Variants in PPM1H observed in about 807,000 individuals in gnomAD.
The protein encoded by PPM1H is protein phosphatase, Mg2+/Mn2+ dependent 1H.
A neutral mutation model predicts 54.9 loss-of-function variants in PPM1H; 27 were observed. The ratio of observed to expected loss-of-function variants is 0.49; its 90% CI spans 0.36 to 0.68. The LOEUF is 0.68. PPM1H is among the 30% of genes least tolerant of loss of function. The pLI is 0.00. For missense variants in PPM1H, 596 were observed against 667.8 expected (o/e 0.89, Z 1.19); for synonymous variants, 305 against 270.8 (o/e 1.13, Z -1.24).
chr12:62,686,533 C>T (rs1049509366), intron 8 of PPM1H, among the ~76,000 whole-genome samples: 3 of 152,052 alleles, frequency 2.0e-5, no homozygotes, highest in Non-Finnish European at 2.9e-5. Flanking sequence ...GTTGGAGGTC[C>T]GACATTTATT....
chr12:62,652,559 G>A (rs2075822200), intron 9 of PPM1H, among the ~76,000 whole-genome samples: 1 of 152,084 alleles, frequency 6.6e-6, no homozygotes, highest in South Asian at 2.1e-4. Flanking sequence ...AATTTATTAT[G>A]TGCTTCTTTC....
chr12:62,874,570 C>A lies in PPM1H; in HGVS notation c.246-42291G>T, dbSNP rs566876951. Among the ~76,000 whole-genome samples, 134 of 152,140 alleles carry A rather than the reference C, an allele frequency of 8.8e-4. 1 individual carries two copies. The highest frequency in any genetic ancestry group is 3.2e-3 in the African/African-American group (133 of 41,484). On this transcript the variant is annotated intron_variant, in intron 1 of 9. Transcript: ENST00000228705. ...TAGAGAAGGCACTCCCCAAAGACCACTGCAACAACCTTCCTAAGCTATTAC... is the reference window on the plus strand; with the variant it reads ...TAGAGAAGGCACTCCCCAAAGACCAATGCAACAACCTTCCTAAGCTATTAC...
At chr12:62,812,901 G>A (rs2076843457) in intron 2 of PPM1H, among the ~76,000 whole-genome samples, 1 of 151,328 alleles carries the variant, frequency 6.6e-6, no homozygotes, top group African/African-American at 2.4e-5. Context: ...GAAACAAGCA[G>A]GTGGTGTCCA....
intron 8 of PPM1H, among the ~76,000 whole-genome samples, chr12:62,669,287 C>T (rs1166168971): frequency 6.6e-6 from 1 of 152,234 alleles, no homozygotes; most frequent in African/African-American, 2.4e-5. Flanking sequence ...CAGAAACAAG[C>T]AACCCTCCTA....
At chr12:62,749,486 G>A (rs536883014) in intron 4 of PPM1H, among the ~76,000 whole-genome samples, 1 of 152,324 alleles carries the variant, frequency 6.6e-6, no homozygotes, top group East Asian at 1.9e-4. Context: ...TCTTTCAAAA[G>A]TATTAGAAAC....
At chr12:62,678,348 T>C (rs2075999330) in intron 8 of PPM1H, among the ~76,000 whole-genome samples, 1 of 152,248 alleles carries the variant, frequency 6.6e-6, no homozygotes, top group Non-Finnish European at 1.5e-5. Flanking sequence ...AATGAAATTA[T>C]TATTTTTCAG....
chr12:62,710,452 A>C lies in PPM1H; in HGVS notation c.1073+9719T>G, dbSNP rs547121595. 1.3e-4 allele frequency among the ~76,000 whole-genome samples: 20 copies of C among 151,396 alleles called. No individual in the cohort carries two copies. The South Asian group carries it at 1.5e-3, about 11-fold the overall frequency. ...GAGGCTGAGGCATCAAAATCGCTTGAATCTGGGAGGCGGAGGTTGCAGTGG... is the reference window on the plus strand; with the variant it reads ...GAGGCTGAGGCATCAAAATCGCTTGCATCTGGGAGGCGGAGGTTGCAGTGG... On this transcript the variant is annotated intron_variant, in intron 6 of 9. Coordinates refer to ENST00000228705, the MANE Select transcript of PPM1H (RefSeq NM_020700.2).
intron 1 of PPM1H, among the ~76,000 whole-genome samples, chr12:62,917,730 T>C (rs182648291): frequency 1.6e-4 from 24 of 152,160 alleles, no homozygotes; most frequent in Admixed American, 1.0e-3. Context: ...TTTATTTTTA[T>C]TTTTTGATTT....
rs1458864848 is a variant in PPM1H, at chr12:62,844,911, C to T, written c.246-12632G>A. ...TCCATAGAAAAAAATTAATTATAAG[C>T]ACTTCTACTAGGAAATGAGCTTGGG... is the stretch of plus-strand genomic sequence containing the variant. On this transcript the variant is annotated intron_variant, in intron 1 of 9. Coordinates refer to ENST00000228705, the MANE Select transcript of PPM1H (RefSeq NM_020700.2). The surrounding 1 kb of genome is among the most constrained non-coding windows in gnomAD (Gnocchi z 5.2). Among the ~76,000 whole-genome samples the T allele has an allele frequency of 1.3e-5, 2 of 152,178 alleles. No individual in the cohort carries two copies. Among genetic ancestry groups the T allele is most frequent in the Non-Finnish European group, 2.9e-5 (2 of 68,032 alleles).
chr12:62,897,302 T>C (rs1248282534), intron 1 of PPM1H, among the ~76,000 whole-genome samples: 1 of 152,048 alleles, frequency 6.6e-6, no homozygotes, highest in Non-Finnish European at 1.5e-5. Context: ...TCCCCCATTA[T>C]AAAAATCAAA....
At position 62,705,805 on chromosome 12, in the gene PPM1H, C is replaced by T. The variant is rs889998590; in HGVS notation, c.1074-11806G>A. Among the ~76,000 whole-genome samples the T allele has an allele frequency of 2.0e-5, 3 of 152,318 alleles. No individual in the cohort carries two copies. The East Asian group carries it at 5.8e-4, about 29-fold the overall frequency. ...TTTATTCTGAAATAAACATGAATTT[C>T]ATTGACATTCCCTTTATACTGTATG... On this transcript the variant is annotated intron_variant, in intron 6 of 9. Coordinates refer to ENST00000228705, the MANE Select transcript of PPM1H (RefSeq NM_020700.2).
At chr12:62,678,601 G>T (rs1174663698) in intron 8 of PPM1H, among the ~76,000 whole-genome samples, 1 of 152,166 alleles carries the variant, frequency 6.6e-6, no homozygotes, top group African/African-American at 2.4e-5. Context: ...AGACCTGAGA[G>T]TTAGAGATGG....
intron 9 of PPM1H, among the ~76,000 whole-genome samples, chr12:62,664,562 T>A (rs2136609438): frequency 6.6e-6 from 1 of 152,346 alleles, no homozygotes; most frequent in East Asian, 1.9e-4. Flanking sequence ...CTAACACCCC[T>A]CCCTTGACAA....
At chr12:62,756,865 C>T (rs140097507) in intron 4 of PPM1H, among the ~76,000 whole-genome samples, 8 of 152,034 alleles carry the variant, frequency 5.3e-5, no homozygotes, top group African/African-American at 1.7e-4. Flanking sequence ...CCAGTTGGAC[C>T]TAGGAAAGCT....
At chr12:62,749,107 C>G (rs1020473990) in intron 4 of PPM1H, among the ~76,000 whole-genome samples, 10 of 152,192 alleles carry the variant, frequency 6.6e-5, no homozygotes, top group Non-Finnish European at 8.8e-5. Flanking sequence ...CTTACTACTT[C>G]TCTTAAAACA....
At chr12:62,776,556 T>G (rs760357743) in intron 4 of PPM1H, among the ~76,000 whole-genome samples, 3 of 152,226 alleles carry the variant, frequency 2.0e-5, no homozygotes, top group Non-Finnish European at 4.4e-5. Flanking sequence ...GGCTGAACCA[T>G]ACTTGTGCTT....
At chr12:62,767,426 T>C (rs771766827) in intron 4 of PPM1H, among the ~76,000 whole-genome samples, 3 of 152,308 alleles carry the variant, frequency 2.0e-5, no homozygotes, top group Non-Finnish European at 2.9e-5. Flanking sequence ...TTAACCTCTC[T>C]GTAAGTGGGT....
intron 1 of PPM1H, among the ~76,000 whole-genome samples, chr12:62,919,890 G>A (rs943833317): frequency 1.3e-5 from 2 of 151,500 alleles, no homozygotes; most frequent in African/African-American, 4.9e-5. Flanking sequence ...AGGGGAATGG[G>A]GAGAAGAGGA....
chr12:62,817,845 C>T (rs762627285), intron 2 of PPM1H, among the ~76,000 whole-genome samples: 50 of 152,174 alleles, frequency 3.3e-4, no homozygotes, highest in Non-Finnish European at 5.9e-4. Flanking sequence ...CACAGTGCTG[C>T]CCCGTCCTCT....
Sources: allele counts gnomAD v4.1 joint callset (sites outside exome capture counted in the v4.1 genomes callset), GRCh38; gene constraint gnomAD v4.1.1; non-coding constraint Gnocchi (gnomAD v3.1); transcripts MANE v1.5; gene names NCBI Gene and HGNC (gene_info 2026-07-23, HGNC 2026-07-21).